LUZP2: variants seen among roughly 807,000 people sequenced by gnomAD.
LUZP2 encodes the protein leucine zipper protein 2.
Under a neutral mutation model 51.6 loss-of-function variants are expected in LUZP2, and 52 were observed. That is an observed-to-expected ratio of 1.01 (90% CI 0.81 to 1.27). LUZP2 has a LOEUF of 1.27. LUZP2 is among the 50% of genes most tolerant of loss of function. The pLI, the probability that LUZP2 is intolerant of heterozygous loss-of-function variation, is 0.00. For missense variants in LUZP2, 436 were observed against 395.4 expected (o/e 1.10, Z -0.87); for synonymous variants, 154 against 137.3 (o/e 1.12, Z -0.85).
intron 1 of LUZP2, among the ~76,000 whole-genome samples, chr11:24,720,259 T>C (rs1858213455): frequency 1.3e-5 from 2 of 152,028 alleles, no homozygotes; most frequent in African/African-American, 4.8e-5. Context: ...AAAAAAATAC[T>C]ATCCAATTTG....
intron 1 of LUZP2, among the ~76,000 whole-genome samples, chr11:24,672,316 C>T (rs1367995818): frequency 6.6e-6 from 1 of 152,028 alleles, no homozygotes; most frequent in Non-Finnish European, 1.5e-5. Flanking sequence ...TCAAAAGATA[C>T]TTAAAATTGT....
intron 1 of LUZP2, among the ~76,000 whole-genome samples, chr11:24,572,686 CTG>C (rs1414946686): frequency 4.6e-5 from 7 of 151,972 alleles, no homozygotes; most frequent in Non-Finnish European, 1.0e-4. Flanking sequence ...TGATGTCTCT[CTG>C]CATCAGGGAT....
intron 1 of LUZP2, among the ~76,000 whole-genome samples, chr11:24,539,250 T>C (rs1293501100): frequency 6.6e-6 from 1 of 151,984 alleles, no homozygotes; most frequent in African/African-American, 2.4e-5. Flanking sequence ...TACCTGTAAG[T>C]CTTTTATTCC....
At chr11:24,774,211 C>G (rs554564803) in intron 5 of LUZP2, among the ~76,000 whole-genome samples, 12 of 151,474 alleles carry the variant, frequency 7.9e-5, no homozygotes, top group Non-Finnish European at 1.3e-4. Context: ...TTCCTGCGCT[C>G]GAACATTAGA....
At chr11:24,733,314 T>G (rs1858789578) in intron 3 of LUZP2, among the ~76,000 whole-genome samples, 1 of 151,866 alleles carries the variant, frequency 6.6e-6, no homozygotes, top group Admixed American at 6.6e-5. Flanking sequence ...GAAACAATAT[T>G]ATTTTAATTA....
chr11:24,561,816 T>TATAATAATAATAATA (rs147360262), intron 1 of LUZP2, among the ~76,000 whole-genome samples: 25,884 of 120,638 alleles, frequency 0.21, 2,603 homozygotes, highest in African/African-American at 0.28. Flanking sequence ...GAACTTAAAG[T>TATAATAATAATAATA]ATAATAATAA....
intron 10 of LUZP2, among the ~76,000 whole-genome samples, chr11:25,058,866 C>A (rs536937285): frequency 6.6e-6 from 1 of 152,246 alleles, no homozygotes; most frequent in East Asian, 1.9e-4. Context: ...AAATATTAAA[C>A]CAGCACTAAA....
intron 10 of LUZP2, among the ~76,000 whole-genome samples, chr11:25,058,136 G>A (rs1291636946): frequency 2.0e-5 from 3 of 151,558 alleles, no homozygotes; most frequent in East Asian, 2.0e-4. Context: ...TTCATTAGAA[G>A]CATTTTTTAT....
intron 7 of LUZP2, among the ~76,000 whole-genome samples, chr11:24,936,628 A>G (rs1043824413): frequency 7.3e-5 from 11 of 151,712 alleles, no homozygotes; most frequent in Middle Eastern, 3.4e-3. Context: ...CCTGCTTGCC[A>G]CAGAGACGCC....
chr11:24,601,290 T>A (rs559780090), intron 1 of LUZP2, among the ~76,000 whole-genome samples: 1 of 152,190 alleles, frequency 6.6e-6, no homozygotes, highest in South Asian at 2.1e-4. Flanking sequence ...TGTTTATATT[T>A]TGAGGCCCTA....
intron 1 of LUZP2, among the ~76,000 whole-genome samples, chr11:24,703,152 C>T (rs1350874325): frequency 6.6e-6 from 1 of 152,106 alleles, no homozygotes. Context: ...GTCCTTAAGC[C>T]ATTATCTTAC....
At chr11:25,022,213 A>C (rs1857355868) in intron 9 of LUZP2, among the ~76,000 whole-genome samples, 1 of 151,848 alleles carries the variant, frequency 6.6e-6, no homozygotes, top group Non-Finnish European at 1.5e-5. Flanking sequence ...GTATTGTAAA[A>C]TTTTCTTTCA....
At chr11:24,771,908 C>G (rs1860436831) in intron 5 of LUZP2, among the ~76,000 whole-genome samples, 1 of 152,168 alleles carries the variant, frequency 6.6e-6, no homozygotes, top group Non-Finnish European at 1.5e-5. Flanking sequence ...CCATGATTGT[C>G]AGACCTCCCC....
chr11:24,969,250 G>C (rs1855677992), intron 7 of LUZP2, among the ~76,000 whole-genome samples: 1 of 152,084 alleles, frequency 6.6e-6, no homozygotes, highest in Non-Finnish European at 1.5e-5. Context: ...TTATAAGTGA[G>C]AACATGGAGT....
chr11:24,510,467 G>A (rs955493975), intron 1 of LUZP2, among the ~76,000 whole-genome samples: 3 of 152,112 alleles, frequency 2.0e-5, no homozygotes, highest in Admixed American at 1.3e-4. Flanking sequence ...TTTGGAATGC[G>A]TCAGAAAATC....
intron 9 of LUZP2, among the ~76,000 whole-genome samples, chr11:25,027,595 G>T (rs2404017): frequency 3.3e-5 from 5 of 152,042 alleles, no homozygotes; most frequent in African/African-American, 9.6e-5. Context: ...ATTTAGGTCG[G>T]GCACAGTGGC....
intron 1 of LUZP2, among the ~76,000 whole-genome samples, chr11:24,566,898 AT>A (rs1852253798): frequency 1.1e-5 from 1 of 87,824 alleles, no homozygotes; most frequent in Non-Finnish European, 2.2e-5. Flanking sequence ...ACATATTTAT[AT>A]ATGTTATATA....
intron 5 of LUZP2, among the ~76,000 whole-genome samples, chr11:24,764,516 A>AAAAAAAAAAAG (rs1860111595): frequency 6.9e-6 from 1 of 145,926 alleles, no homozygotes; most frequent in Non-Finnish European, 1.5e-5. Flanking sequence ...AAAAAAAAAA[A>AAAAAAAAAAAG]TTAGCTGGGA....
intron 9 of LUZP2, among the ~76,000 whole-genome samples, chr11:25,003,047 G>A (rs1856735055): frequency 6.6e-6 from 1 of 152,190 alleles, no homozygotes; most frequent in Admixed American, 6.5e-5. Flanking sequence ...GGTTCCTCTG[G>A]CTAAAATTAG....
Sources: gnomAD v4.1 joint callset for allele counts (sites outside exome capture counted in the v4.1 genomes callset) on GRCh38, gnomAD v4.1.1 for gene constraint, MANE v1.5 for transcripts, NCBI Gene and HGNC (gene_info 2026-07-23, HGNC 2026-07-21) for gene names.